Variants in CSMD2 observed in about 807,000 individuals in gnomAD.
The protein encoded by CSMD2 is CUB and sushi domain-containing protein 2.
A neutral mutation model predicts 398.5 loss-of-function variants in CSMD2; 130 were observed. That is an observed-to-expected ratio of 0.33 (90% confidence interval 0.28 to 0.38). The LOEUF (loss-of-function observed/expected upper bound fraction) is 0.38, where lower values mean the gene tolerates loss of function less well. Ranked by LOEUF, CSMD2 falls within the 10% of genes least tolerant of loss-of-function variation. CSMD2 has a pLI of 1.00. For missense variants in CSMD2, 3,829 were observed against 4,764.9 expected, an observed-to-expected ratio of 0.80 and a Z score of 5.78; for synonymous variants, 1,828 against 1,908.5, an observed-to-expected ratio of 0.96 and a Z score of 1.10.
At chr1:33,822,559 G>C (rs2246823) in intron 7 of CSMD2, among the ~76,000 whole-genome samples, 104,570 of 152,016 alleles carry the variant, frequency 0.69, 37,219 homozygotes, top group African/African-American at 0.89. Flanking sequence ...TGTCTCTTAC[G>C]CCCATCCCCT....
At chr1:33,937,074 T>C (rs1039938131) in intron 3 of CSMD2, among the ~76,000 whole-genome samples, 3 of 152,202 alleles carry the variant, frequency 2.0e-5, no homozygotes, top group African/African-American at 7.2e-5. Context: ...ATTTGTAAGA[T>C]AGGGAGCTCA....
intron 4 of CSMD2, among the ~76,000 whole-genome samples, chr1:33,920,809 C>A (rs1234845592): frequency 2.0e-5 from 3 of 152,152 alleles, no homozygotes; most frequent in African/African-American, 7.2e-5. Flanking sequence ...CTTGAAGCTA[C>A]CCCAATAATC....
chr1:34,146,357 A>C (rs750784798), intron 1 of CSMD2, among the ~76,000 whole-genome samples: 50 of 152,200 alleles, frequency 3.3e-4, no homozygotes, highest in Non-Finnish European at 5.4e-4. Flanking sequence ...CACCTTCCAA[A>C]GCCAGTCTTA....
At chr1:33,972,851 G>T (rs1645822322) in intron 3 of CSMD2, among the ~76,000 whole-genome samples, 1 of 152,184 alleles carries the variant, frequency 6.6e-6, no homozygotes, top group Non-Finnish European at 1.5e-5. Flanking sequence ...ACCACGACCT[G>T]CACGAGCGCA....
intron 15 of CSMD2, among the ~76,000 whole-genome samples, chr1:33,729,479 A>T (rs144631447): frequency 6.6e-4 from 87 of 132,334 alleles, no homozygotes; most frequent in African/African-American, 2.3e-3. Context: ...TTAATTTTTT[A>T]AAATTTTATT....
At chr1:34,159,841 T>C (rs1266604110) in intron 1 of CSMD2, among the ~76,000 whole-genome samples, 1 of 152,232 alleles carries the variant, frequency 6.6e-6, no homozygotes, top group African/African-American at 2.4e-5. Flanking sequence ...ATAGACTTCC[T>C]GGCTGATTCC....
At chr1:33,808,923 T>G (rs772585546) in intron 10 of CSMD2, among the ~76,000 whole-genome samples, 1 of 151,500 alleles carries the variant, frequency 6.6e-6, no homozygotes, top group African/African-American at 2.4e-5. Flanking sequence ...TAATAAGAGA[T>G]AGTATGTATA....
intron 19 of CSMD2, 111 bp downstream of exon 19, chr1:33,724,086 A>C: frequency 5.6e-6 from 4 of 720,018 alleles, no homozygotes; most frequent in Non-Finnish European, 2.5e-6. Context: ...GTTCAGACGA[A>C]GCCCAGAGGT....
chr1:33,772,306 C>G (rs1330064354), intron 13 of CSMD2: 3 of 355,550 alleles, frequency 8.4e-6, no homozygotes, highest in Non-Finnish European at 1.5e-5. Context: ...TCTCCTTGCT[C>G]TTAAGGATCA....
rs564242000 is a variant in CSMD2, at chr1:33,826,085, G to A, written c.1034-311C>T. Among the ~76,000 whole-genome samples, 6 of 152,228 alleles carry A rather than the reference G, an allele frequency of 3.9e-5. No individual in the cohort carries two copies. In the South Asian group the frequency reaches 1.2e-3, roughly 32 times the overall value. On this transcript the variant is annotated intron_variant, in intron 6 of 70. Transcript: ENST00000373381. ...TGTCTGAGATTTCACCAGACCTACT[G>A]AATTCAACCTGCTCCTCAGCAAACT...
intron 28 of CSMD2, among the ~76,000 whole-genome samples, chr1:33,649,871 A>C (rs1643660044): frequency 6.6e-6 from 1 of 152,150 alleles, no homozygotes; most frequent in Non-Finnish European, 1.5e-5. Flanking sequence ...AAAGGAGATA[A>C]GGCTGGCTAA....
chr1:33,612,963 C>T (rs1641123771), intron 40 of CSMD2, among the ~76,000 whole-genome samples: 2 of 152,244 alleles, frequency 1.3e-5, no homozygotes, highest in South Asian at 4.1e-4. Context: ...ATCGTCCCCT[C>T]ATATAGGAGC....
At chr1:33,794,573 A>G (rs1487561437) in intron 10 of CSMD2, among the ~76,000 whole-genome samples, 1 of 152,204 alleles carries the variant, frequency 6.6e-6, no homozygotes, top group Non-Finnish European at 1.5e-5. Flanking sequence ...TAGGAGAGAA[A>G]TAGGAGCAGT....
chr1:33,954,891 G>A (rs1558155401), intron 3 of CSMD2, among the ~76,000 whole-genome samples: 1 of 152,082 alleles, frequency 6.6e-6, no homozygotes, highest in Non-Finnish European at 1.5e-5. Flanking sequence ...TGGATGGCGG[G>A]GATGGTTATA....
intron 4 of CSMD2, among the ~76,000 whole-genome samples, chr1:33,927,773 C>T (rs1243582169): frequency 3.3e-5 from 5 of 152,134 alleles, no homozygotes; most frequent in African/African-American, 9.7e-5. Flanking sequence ...TCCTCCTGCT[C>T]CCTTCTCTTC....
intron 3 of CSMD2, among the ~76,000 whole-genome samples, chr1:33,998,662 C>T (rs77772858): frequency 0.043 from 6,607 of 152,280 alleles, 494 homozygotes; most frequent in African/African-American, 0.15. Flanking sequence ...GGTGAAAGAG[C>T]CTGGTGTTGT....
At chr1:33,833,904 C>T (rs1408700056) in intron 6 of CSMD2, among the ~76,000 whole-genome samples, 1 of 150,454 alleles carries the variant, frequency 6.6e-6, no homozygotes, top group East Asian at 2.0e-4. Context: ...TTCACAATTG[C>T]TTCAAAGAGA....
At chr1:34,086,632 A>G (rs936480577) in intron 2 of CSMD2, among the ~76,000 whole-genome samples, 1 of 152,166 alleles carries the variant, frequency 6.6e-6, no homozygotes, top group Admixed American at 6.5e-5. Flanking sequence ...TGTGTTTGGA[A>G]TACAGCACAG....
intron 6 of CSMD2, among the ~76,000 whole-genome samples, chr1:33,841,779 A>G (rs2125066684): frequency 6.6e-6 from 1 of 152,360 alleles, no homozygotes; most frequent in Admixed American, 6.5e-5. Flanking sequence ...AGGTTGAAGT[A>G]GGGGTGGAAA....
Sources: gnomAD v4.1 joint callset for allele counts (sites outside exome capture counted in the v4.1 genomes callset) on GRCh38, gnomAD v4.1.1 for gene constraint, MANE v1.5 for transcripts, NCBI Gene and HGNC (gene_info 2026-07-23, HGNC 2026-07-21) for gene names.